The following B4GALT5 variants were observed in gnomAD, a reference collection of about 807,000 sequenced individuals.
The protein encoded by B4GALT5 is UDP-Gal:beta-GlcNAc beta-1,4-galactosyltransferase 5.
In B4GALT5, 11 loss-of-function variants were observed where a neutral mutation model predicts 45.0. The observed-to-expected ratio is 0.24, with a 90% CI of 0.15 to 0.40. The LOEUF is 0.40. B4GALT5 is among the 10% of genes least tolerant of loss of function. The pLI, the probability that B4GALT5 is intolerant of heterozygous loss-of-function variation, is 1.00. For synonymous variants in B4GALT5, 185 were observed against 182.9 expected, an observed-to-expected ratio of 1.01 and a Z score of -0.09; for missense variants, 337 against 500.2, an observed-to-expected ratio of 0.67 and a Z score of 3.11.
At chr20:49,668,762 A>C (rs2085703063) in intron 1 of B4GALT5, among the ~76,000 whole-genome samples, 1 of 147,688 alleles carries the variant, frequency 6.8e-6, no homozygotes. Context: ...CACCGCCCCC[A>C]CTCCACCGAC....
rs913161333 is a variant in B4GALT5, at chr20:49,640,472, A to C, written c.794+6T>G. 2 of 1,561,354 alleles carry C rather than the reference A, an allele frequency of 1.3e-6. No homozygotes were observed. Among genetic ancestry groups the C allele is most frequent in the Non-Finnish European group, 1.7e-6 (2 of 1,157,190 alleles). On this transcript the variant is annotated splice_donor_region_variant and intron_variant, in intron 6 of 8. Coordinates refer to ENST00000371711, the MANE Select transcript of B4GALT5 (RefSeq NM_004776.4). ...ACCTCTTTAATTAAGAAGAAATGAT[A>C]CTCACAGATACATATACTTATCCAA... is the stretch of plus-strand genomic sequence containing the variant.
At chr20:49,665,955 G>C (rs796661126) in intron 1 of B4GALT5, among the ~76,000 whole-genome samples, 56 of 152,106 alleles carry the variant, frequency 3.7e-4, no homozygotes, top group African/African-American at 1.3e-3. Context: ...TAGAAAAATG[G>C]GGGGAGCAAG....
chr20:49,693,031 G>A (rs976125959), intron 1 of B4GALT5, among the ~76,000 whole-genome samples: 10 of 152,168 alleles, frequency 6.6e-5, no homozygotes, highest in African/African-American at 2.4e-4. Context: ...ACAGTACCAT[G>A]CTGTAGAGAT....
rs1984460535 is a variant in B4GALT5 at position 49,634,493 on chromosome 20, C to G, written c.*1819G>C. ...GGCATTTTCCAGAATTCTGCAGAAGCCGACAGAGACTACAATTTGAGGGCT... is the reference window on the plus strand; with the variant it reads ...GGCATTTTCCAGAATTCTGCAGAAGGCGACAGAGACTACAATTTGAGGGCT... On this transcript the variant is annotated 3_prime_UTR_variant, in exon 9 of 9. Transcript: ENST00000371711. 6.6e-6 allele frequency: 1 copy of G among 152,146 alleles called. No individual in the cohort carries two copies. The highest frequency in any genetic ancestry group is 2.1e-4 in the South Asian group (1 of 4,818). The allele number at this position is 152,146 out of a possible 1,614,324, so 9.4% of individuals were successfully genotyped here.
rs995588860 is a variant in B4GALT5, at chr20:49,635,236, G to A, written c.*1076C>T. 7.7e-5 allele frequency: 6 copies of A among 77,578 alleles called. No homozygotes were observed. Among genetic ancestry groups the A allele is most frequent in the South Asian group, 3.9e-4 (1 of 2,578 alleles). 4.8% of individuals were successfully genotyped at this position (77,578 alleles called of 1,614,324 possible). On this transcript the variant is annotated 3_prime_UTR_variant, in exon 9 of 9. Coordinates refer to ENST00000371711, the MANE Select transcript of B4GALT5 (RefSeq NM_004776.4). ...ATTCCCATACACACCCCCGCCCCCC[G>A]CCCCCCGCCCCGCCATGCTGATGAA...
At chr20:49,637,303 G>A in intron 8 of B4GALT5, 38 bp downstream of exon 8, 1 of 1,535,270 alleles carries the variant, frequency 6.5e-7, no homozygotes, top group Non-Finnish European at 9.0e-7. Context: ...TGAAAGTATA[G>A]GGGATACTTC....
chr20:49,639,149 G>T (rs1209840440), intron 7 of B4GALT5, among the ~76,000 whole-genome samples: 1 of 151,704 alleles, frequency 6.6e-6, no homozygotes, highest in Non-Finnish European at 1.5e-5. Context: ...TATTGTTGTG[G>T]GTAATTTATT....
At chr20:49,677,757 GA>G (rs1437505655) in intron 1 of B4GALT5, among the ~76,000 whole-genome samples, 1 of 152,130 alleles carries the variant, frequency 6.6e-6, no homozygotes, top group African/African-American at 2.4e-5. Context: ...TTGATTGATT[GA>G]TTTTTGGGAT....
intron 1 of B4GALT5, among the ~76,000 whole-genome samples, chr20:49,683,240 T>C (rs956763879): frequency 6.6e-6 from 1 of 152,234 alleles, no homozygotes; most frequent in Non-Finnish European, 1.5e-5. Context: ...CCTTAGAAGT[T>C]GCAAACTATC....
chr20:49,643,406 G>T, intron 4 of B4GALT5, 120 bp downstream of exon 4: 2 of 1,294,480 alleles, frequency 1.5e-6, no homozygotes, highest in Non-Finnish European at 2.1e-6. Context: ...TTCTACATTT[G>T]CATGGAATGG....
intron 1 of B4GALT5, among the ~76,000 whole-genome samples, chr20:49,680,627 T>C (rs1180080088): frequency 6.6e-6 from 1 of 152,162 alleles, no homozygotes; most frequent in Non-Finnish European, 1.5e-5. Context: ...ATAGGTGGAC[T>C]AATAATAGAG....
At chr20:49,663,434 A>G (rs1049047229) in intron 1 of B4GALT5, among the ~76,000 whole-genome samples, 4 of 115,426 alleles carry the variant, frequency 3.5e-5, no homozygotes, top group African/African-American at 8.6e-5. Flanking sequence ...ATGCACTCAC[A>G]TATTTTTACA....
intron 1 of B4GALT5, among the ~76,000 whole-genome samples, chr20:49,683,730 T>C (rs899999785): frequency 2.0e-5 from 3 of 152,080 alleles, no homozygotes; most frequent in Admixed American, 6.6e-5. Flanking sequence ...TAAATTCTAG[T>C]CAGCTGAATG....
At chr20:49,710,844 T>A (rs556038471) in intron 1 of B4GALT5, among the ~76,000 whole-genome samples, 1 of 152,152 alleles carries the variant, frequency 6.6e-6, no homozygotes, top group African/African-American at 2.4e-5. Flanking sequence ...GCCGCCCCAC[T>A]GTCCAAAGCT....
chr20:49,688,346 G>A (rs2085795515), intron 1 of B4GALT5, among the ~76,000 whole-genome samples: 1 of 151,992 alleles, frequency 6.6e-6, no homozygotes, highest in Non-Finnish European at 1.5e-5. Flanking sequence ...ACACCGTGGG[G>A]GACAAAGATT....
intron 7 of B4GALT5, among the ~76,000 whole-genome samples, chr20:49,637,761 C>T (rs1255181003): frequency 6.6e-6 from 1 of 151,008 alleles, no homozygotes; most frequent in African/African-American, 2.4e-5. Flanking sequence ...TGGTGAAACC[C>T]CATCTCTACT....
At chr20:49,703,891 G>A (rs1404175633) in intron 1 of B4GALT5, among the ~76,000 whole-genome samples, 27 of 142,606 alleles carry the variant, frequency 1.9e-4, no homozygotes, top group South Asian at 4.4e-4. Context: ...TCCATCTCAG[G>A]AAAAAAAAAA....
intron 4 of B4GALT5, 70 bp from the exon 5 acceptor site, chr20:49,642,654 G>T: frequency 9.2e-7 from 1 of 1,090,332 alleles, no homozygotes; most frequent in Non-Finnish European, 1.4e-6. Context: ...GGACACCCCT[G>T]ATGAATTGCT....
intron 1 of B4GALT5, among the ~76,000 whole-genome samples, chr20:49,695,228 T>C (rs1222041168): frequency 6.6e-6 from 1 of 151,586 alleles, no homozygotes; most frequent in African/African-American, 2.4e-5. Context: ...TTAGACAGAC[T>C]TTTGCTCATG....
Sources: allele counts gnomAD v4.1 joint callset (sites outside exome capture counted in the v4.1 genomes callset), GRCh38; gene constraint gnomAD v4.1.1; transcripts MANE v1.5; gene names NCBI Gene and HGNC (gene_info 2026-07-23, HGNC 2026-07-21).